The following STAU2 variants were observed in gnomAD, a reference collection of about 807,000 sequenced individuals.
STAU2 encodes staufen double-stranded RNA binding protein 2.
STAU2 carries 20 observed loss-of-function variants against 65.9 expected under a neutral mutation model. The observed-to-expected ratio is 0.30, with a 90% confidence interval of 0.21 to 0.44. The LOEUF (loss-of-function observed/expected upper bound fraction) is 0.44, where lower values mean the gene tolerates loss of function less well. Ranked by LOEUF, STAU2 falls within the 20% of genes least tolerant of loss-of-function variation. STAU2 has a pLI of 1.00. For synonymous variants in STAU2, 232 were observed against 233.9 expected, an observed-to-expected ratio of 0.99 and a Z score of 0.07; for missense variants, 558 against 683.9, an observed-to-expected ratio of 0.82 and a Z score of 2.05.
chr8:73,711,083 A>G (rs1820856391), intron 3 of STAU2, among the ~76,000 whole-genome samples: 2 of 148,584 alleles, frequency 1.3e-5, no homozygotes, highest in South Asian at 4.3e-4. Context: ...TTGTAGGGCC[A>G]AGACAGCTGA....
rs745822171 is a variant in STAU2 at position 73,615,834 on chromosome 8, T to C, written c.571-52A>G. ...TGAATCTTGACATTATAACAAACTT[T>C]ACTTTTATTCTACAGTCAAGATGGC... is the stretch of plus-strand genomic sequence containing the variant. On this transcript the variant is annotated intron_variant, in intron 7 of 14. Transcript: ENST00000524300. 15 of 1,383,738 alleles carry C rather than the reference T, an allele frequency of 1.1e-5. No individual in the cohort carries two copies. The Admixed American group carries it at 1.4e-4, about 13-fold the overall frequency. The allele number at this position is 1,383,738 out of a possible 1,614,324, so 85.7% of individuals were successfully genotyped here.
At chr8:73,658,846 G>A (rs1021486709) in intron 6 of STAU2, among the ~76,000 whole-genome samples, 2 of 151,910 alleles carry the variant, frequency 1.3e-5, no homozygotes, top group East Asian at 3.9e-4. Context: ...CTGGGAGGCG[G>A]AGGTTGCAGT....
intron 13 of STAU2, among the ~76,000 whole-genome samples, chr8:73,423,245 G>T (rs1482088780): frequency 6.6e-6 from 1 of 152,148 alleles, no homozygotes. Context: ...AGAAAGTTTG[G>T]GCTGGTCATG....
chr8:73,669,433 G>A (rs1486688988), intron 6 of STAU2, among the ~76,000 whole-genome samples: 2 of 151,962 alleles, frequency 1.3e-5, no homozygotes, highest in Non-Finnish European at 2.9e-5. Flanking sequence ...ACTAGAAACT[G>A]CCAACAAAGA....
chr8:73,629,809 C>T (rs1813958877), intron 6 of STAU2, among the ~76,000 whole-genome samples: 1 of 152,170 alleles, frequency 6.6e-6, no homozygotes, highest in African/African-American at 2.4e-5. Flanking sequence ...CTCTGTCACC[C>T]AGGCTGAAGT....
intron 13 of STAU2, among the ~76,000 whole-genome samples, chr8:73,469,574 G>T (rs1455476000): frequency 2.0e-5 from 3 of 151,898 alleles, no homozygotes; most frequent in African/African-American, 7.3e-5. Context: ...CAAAAGAGAG[G>T]TCACTGAATC....
intron 6 of STAU2, among the ~76,000 whole-genome samples, chr8:73,654,976 C>T (rs925159621): frequency 3.9e-5 from 6 of 152,120 alleles, no homozygotes; most frequent in African/African-American, 7.2e-5. Flanking sequence ...TGAGCCACCG[C>T]GCCCGGCCCA....
intron 6 of STAU2, among the ~76,000 whole-genome samples, chr8:73,660,774 T>A (rs956821597): frequency 6.6e-6 from 1 of 152,190 alleles, no homozygotes; most frequent in African/African-American, 2.4e-5. Context: ...GAAATGATTC[T>A]CTGGGTAACA....
intron 13 of STAU2, among the ~76,000 whole-genome samples, chr8:73,533,244 C>T (rs1805943808): frequency 6.6e-6 from 1 of 152,092 alleles, no homozygotes; most frequent in Admixed American, 6.6e-5. Context: ...TTTATAACAC[C>T]ATCAACTACT....
At chr8:73,456,413 A>T (rs1432977521) in intron 13 of STAU2, among the ~76,000 whole-genome samples, 2 of 152,212 alleles carry the variant, frequency 1.3e-5, no homozygotes, top group Admixed American at 6.5e-5. Context: ...CAGAGTTATC[A>T]ATCATTCATT....
chr8:73,644,434 G>C (rs1010402473), intron 6 of STAU2, among the ~76,000 whole-genome samples: 4 of 149,566 alleles, frequency 2.7e-5, no homozygotes, highest in African/African-American at 4.9e-5. Flanking sequence ...AACAGAGTAA[G>C]ATCCTGTCTC....
chr8:73,462,190 C>T (rs1819392721), intron 13 of STAU2, among the ~76,000 whole-genome samples: 1 of 152,072 alleles, frequency 6.6e-6, no homozygotes. Flanking sequence ...AGCAATTCTC[C>T]TGCCTCAGCT....
intron 13 of STAU2, among the ~76,000 whole-genome samples, chr8:73,523,256 T>TTTGGAGA (rs1057274631): frequency 2.0e-5 from 3 of 150,062 alleles, no homozygotes; most frequent in African/African-American, 7.3e-5. Context: ...ATCACTGGCA[T>TTTGGAGA]TTGGAGAAGC....
chr8:73,530,043 T>C (rs924325458), intron 13 of STAU2, among the ~76,000 whole-genome samples: 6 of 152,200 alleles, frequency 3.9e-5, no homozygotes, highest in African/African-American at 1.4e-4. Flanking sequence ...CAACCTGCTG[T>C]TTGGAGTATA....
chr8:73,466,456 T>A (rs1477733386), intron 13 of STAU2, among the ~76,000 whole-genome samples: 7 of 151,916 alleles, frequency 4.6e-5, no homozygotes, highest in Non-Finnish European at 5.9e-5. Context: ...AAAGAAATAA[T>A]CCAGGAAGGA....
chr8:73,582,335 T>C (rs987593480), intron 12 of STAU2, among the ~76,000 whole-genome samples: 5 of 151,690 alleles, frequency 3.3e-5, no homozygotes, highest in African/African-American at 9.7e-5. Flanking sequence ...ATATCATAAT[T>C]ATATAAAAAT....
intron 13 of STAU2, among the ~76,000 whole-genome samples, chr8:73,456,452 AG>A (rs1256394862): frequency 1.3e-5 from 2 of 152,172 alleles, no homozygotes; most frequent in African/African-American, 4.8e-5. Context: ...ACACCTCCTA[AG>A]TGTACAATAT....
intron 13 of STAU2, among the ~76,000 whole-genome samples, chr8:73,455,906 T>C (rs1485517961): frequency 1.3e-5 from 2 of 152,286 alleles, no homozygotes; most frequent in African/African-American, 2.4e-5. Context: ...ACATATGAGA[T>C]GGATGGACGG....
intron 2 of STAU2, among the ~76,000 whole-genome samples, 182 bp downstream of exon 2, chr8:73,739,574 T>C (rs892983974): frequency 6.6e-6 from 1 of 152,064 alleles, no homozygotes; most frequent in Admixed American, 6.6e-5. Context: ...CAAACTAGAG[T>C]CCATTCAAAA....
Sources: gnomAD v4.1 joint callset for allele counts (sites outside exome capture counted in the v4.1 genomes callset) on GRCh38, gnomAD v4.1.1 for gene constraint, MANE v1.5 for transcripts, NCBI Gene and HGNC (gene_info 2026-07-23, HGNC 2026-07-21) for gene names.